The following SMAD3 variants were observed in gnomAD, a reference collection of about 807,000 sequenced individuals.
SMAD3 encodes SMAD family member 3.
In SMAD3, 12 loss-of-function variants were observed where a neutral mutation model predicts 51.8. The ratio of observed to expected loss-of-function variants is 0.23; its 90% CI spans 0.15 to 0.38. SMAD3 has a LOEUF of 0.38. SMAD3 is among the 10% of genes least tolerant of loss of function. The probability of loss-of-function intolerance (pLI) is 1.00; values close to 1 mark genes in which losing one functional copy is unlikely to be tolerated. For synonymous variants in SMAD3, 238 were observed against 227.7 expected, an observed-to-expected ratio of 1.05 and a Z score of -0.41; for missense variants, 294 against 565.6, an observed-to-expected ratio of 0.52 and a Z score of 4.87.
rs1567006810 is a variant in SMAD3, at chr15:67,191,874, T to C, written c.*1338T>C. Reference sequence around the variant, plus strand: ...ACCGGTGACAACTATAGCAGTTGTATTGTGTAACAAGTACTGCTCCCAGCA... The same window carrying C: ...ACCGGTGACAACTATAGCAGTTGTACTGTGTAACAAGTACTGCTCCCAGCA... On this transcript the variant is annotated 3_prime_UTR_variant, in exon 9 of 9. Transcript: ENST00000327367. 4.4e-6 allele frequency: 1 copy of C among 229,032 alleles called. No homozygotes were observed. Among genetic ancestry groups the C allele is most frequent in the African/African-American group, 2.2e-5 (1 of 45,102 alleles). 14.2% of individuals were successfully genotyped at this position (229,032 alleles called of 1,614,324 possible).
At chr15:67,086,498 G>A (rs1373328809) in intron 1 of SMAD3, among the ~76,000 whole-genome samples, 1 of 152,172 alleles carries the variant, frequency 6.6e-6, no homozygotes, top group Non-Finnish European at 1.5e-5. Context: ...TGGGCTTGTG[G>A]ATCCTTAATT....
At chr15:67,135,664 C>G (rs763997347) in intron 1 of SMAD3, among the ~76,000 whole-genome samples, 1 of 152,054 alleles carries the variant, frequency 6.6e-6, no homozygotes, top group Non-Finnish European at 1.5e-5. Context: ...CATACCAGAG[C>G]AGTACTTTGA....
At chr15:67,130,332 G>T (rs1430334119) in intron 1 of SMAD3, among the ~76,000 whole-genome samples, 1 of 152,118 alleles carries the variant, frequency 6.6e-6, no homozygotes, top group Admixed American at 6.5e-5. Context: ...TTACACCAGG[G>T]GTCCCCAACC....
At position 67,181,268 on chromosome 15, in the gene SMAD3, C is replaced by T. The variant is rs1232187684; in HGVS notation, c.686C>T (p.Pro229Leu). The change falls in exon 6 of 9, where the codon CCG becomes CTG. Residue 229 changes from proline (P) to leucine (L), a missense_variant. Pro to Leu is a moderately conservative substitution (Grantham distance 98). Coordinates refer to ENST00000327367, the MANE Select transcript of SMAD3 (RefSeq NM_005902.4). ...CTGCAGCCAGTTACCTACTGCGAGC[C>T]GGCCTTCTGGTGCTCCATCTCCTAC... ...LDLQPVTYCE[P>L]AFWCSISYYE... The T allele has an allele frequency of 1.2e-6, 2 of 1,613,290 alleles. No individual in the cohort carries two copies. Among genetic ancestry groups the T allele is most frequent in the Non-Finnish European group, 1.7e-6 (2 of 1,179,996 alleles).
intron 1 of SMAD3, among the ~76,000 whole-genome samples, chr15:67,142,199 AC>A (rs549870512): frequency 7.8e-5 from 10 of 127,950 alleles, no homozygotes; most frequent in Admixed American, 1.7e-4. Flanking sequence ...TCCTCCCCAC[AC>A]CCCCCCCACC....
intron 1 of SMAD3, among the ~76,000 whole-genome samples, chr15:67,141,364 T>G (rs2084336386): frequency 1.3e-5 from 2 of 152,226 alleles, no homozygotes; most frequent in African/African-American, 2.4e-5. Context: ...CAGGGATGGT[T>G]CCATGCTTCT....
chr15:67,107,578 C>T (rs2140230610), intron 1 of SMAD3, among the ~76,000 whole-genome samples: 1 of 152,318 alleles, frequency 6.6e-6, no homozygotes, highest in South Asian at 2.1e-4. Flanking sequence ...TTCCCCCGGC[C>T]CTTCCCGCCT....
chr15:67,143,553 G>A (rs531166581), intron 1 of SMAD3, among the ~76,000 whole-genome samples: 15 of 152,322 alleles, frequency 9.8e-5, no homozygotes, highest in African/African-American at 3.6e-4. Flanking sequence ...TCATGCCTCA[G>A]CCTCCCAAGT....
chr15:67,160,149 A>C (rs1195583534), intron 1 of SMAD3, among the ~76,000 whole-genome samples: 1 of 152,250 alleles, frequency 6.6e-6, no homozygotes, highest in African/African-American at 2.4e-5. Flanking sequence ...AAATATCGCA[A>C]GTACCCTATA....
chr15:67,152,869 C>G (rs991432758), intron 1 of SMAD3, among the ~76,000 whole-genome samples: 7 of 152,134 alleles, frequency 4.6e-5, no homozygotes, highest in African/African-American at 1.7e-4. Flanking sequence ...AATAGAAAAG[C>G]CCTAAACACT....
intron 1 of SMAD3, among the ~76,000 whole-genome samples, chr15:67,097,173 T>C (rs1566966843): frequency 6.6e-6 from 1 of 152,244 alleles, no homozygotes; most frequent in East Asian, 1.9e-4. Context: ...TCAAATCTTA[T>C]CTCCATCTCT....
At chr15:67,170,479 A>C in intron 4 of SMAD3, 75 bp from the exon 5 acceptor site, 3 of 1,204,144 alleles carry the variant, frequency 2.5e-6, no homozygotes, top group Non-Finnish European at 3.7e-6. Context: ...CCTCCTTGAT[A>C]TGTAAGTGTT....
intron 5 of SMAD3, chr15:67,174,375 G>C (rs1219200324): frequency 6.6e-6 from 1 of 152,450 alleles, no homozygotes; most frequent in Non-Finnish European, 1.5e-5. Flanking sequence ...GACAGCCAGA[G>C]ATGCGCTCGG....
chr15:67,094,457 T>C (rs1326918427), intron 1 of SMAD3, among the ~76,000 whole-genome samples: 1 of 152,104 alleles, frequency 6.6e-6, no homozygotes, highest in Admixed American at 6.5e-5. Flanking sequence ...ATTCAAACTC[T>C]GCTCAAAATT....
At chr15:67,071,252 CT>C (rs1189675559) in intron 1 of SMAD3, among the ~76,000 whole-genome samples, 1 of 152,206 alleles carries the variant, frequency 6.6e-6, no homozygotes, top group Non-Finnish European at 1.5e-5. Context: ...ATGTTGGGAA[CT>C]TTTTGGTACA....
intron 1 of SMAD3, among the ~76,000 whole-genome samples, chr15:67,076,636 A>G (rs1001516107): frequency 6.6e-6 from 1 of 152,230 alleles, no homozygotes; most frequent in Non-Finnish European, 1.5e-5. Context: ...TTCAAGAGTC[A>G]TGCTTTGGCC....
At chr15:67,178,574 A>C (rs1430042707) in intron 5 of SMAD3, among the ~76,000 whole-genome samples, 1 of 152,194 alleles carries the variant, frequency 6.6e-6, no homozygotes, top group African/African-American at 2.4e-5. Flanking sequence ...CATGTCCCCA[A>C]GGTCACACAG....
intron 1 of SMAD3, among the ~76,000 whole-genome samples, chr15:67,149,429 T>G (rs548405012): frequency 2.5e-4 from 38 of 152,266 alleles, no homozygotes; most frequent in Non-Finnish European, 4.4e-4. Flanking sequence ...CCTGGAACCC[T>G]TTGCTTGTTC....
chr15:67,115,085 G>A (rs1420741073), intron 1 of SMAD3, among the ~76,000 whole-genome samples: 2 of 152,158 alleles, frequency 1.3e-5, no homozygotes, highest in African/African-American at 4.8e-5. Flanking sequence ...TCTGGAGTAA[G>A]CCCAGAGGCC....
Sources: allele counts gnomAD v4.1 joint callset (sites outside exome capture counted in the v4.1 genomes callset), GRCh38; gene constraint gnomAD v4.1.1; transcripts MANE v1.5; gene names NCBI Gene and HGNC (gene_info 2026-07-23, HGNC 2026-07-21).